Variants in PRKN observed in about 807,000 individuals in gnomAD.
PRKN encodes the protein E3 ubiquitin-protein ligase parkin.
Under a neutral mutation model 59.5 loss-of-function variants are expected in PRKN, and 56 were observed. That is an observed-to-expected ratio of 0.94 (90% CI 0.76 to 1.18). PRKN has a LOEUF of 1.18. Among genes scored for constraint, PRKN ranks in the 50% most tolerant of loss-of-function variants. The probability of loss-of-function intolerance (pLI) is 0.00; values close to 1 mark genes in which losing one functional copy is unlikely to be tolerated. For synonymous variants in PRKN, 250 were observed against 222.1 expected, an observed-to-expected ratio of 1.13 and a Z score of -1.12; for missense variants, 657 against 596.4, an observed-to-expected ratio of 1.10 and a Z score of -1.06.
chr6:161,528,895 A>AT (rs1358226057), intron 9 of PRKN, among the ~76,000 whole-genome samples: 1 of 152,206 alleles, frequency 6.6e-6, no homozygotes, highest in Non-Finnish European at 1.5e-5. Flanking sequence ...AGCCAAATAA[A>AT]TAAGGCCTTC....
chr6:162,668,823 C>T (rs758946214), intron 1 of PRKN, among the ~76,000 whole-genome samples: 1 of 152,122 alleles, frequency 6.6e-6, no homozygotes, highest in Non-Finnish European at 1.5e-5. Flanking sequence ...ACAGACCTTT[C>T]AGCTGTACTT....
In PRKN at chr6:161,457,407, T is replaced by C. The variant is rs1437844104; in HGVS notation, c.1084-70530A>G. ...TACTGAAAACATCAAATAAAAAAGC[T>C]ACTACTTTAATAGAAATTACCTCTT... On this transcript the variant is annotated intron_variant, in intron 9 of 11. Coordinates refer to ENST00000366898, the MANE Select transcript of PRKN (RefSeq NM_004562.3). This position sits in a 1 kb window ranked among gnomAD's most constrained non-coding sequence, Gnocchi z 5.0. 1.3e-5 allele frequency among the ~76,000 whole-genome samples: 2 copies of C among 152,206 alleles called. No individual in the cohort carries two copies. Among genetic ancestry groups the C allele is most frequent in the Admixed American group, 1.3e-4 (2 of 15,284 alleles).
rs922681142 is a variant in PRKN at position 161,498,022 on chromosome 6, A to C, written c.1083+50832T>G. On this transcript the variant is annotated intron_variant, in intron 9 of 11. Coordinates refer to ENST00000366898, the MANE Select transcript of PRKN (RefSeq NM_004562.3). The surrounding 1 kb of genome is among the most constrained non-coding windows in gnomAD (Gnocchi z 4.2). ...TCCATGAGGGGATATTTGTTCTTCAATAGATGGGTCTAATTTTCCACAGTG... is the reference window on the plus strand; with the variant it reads ...TCCATGAGGGGATATTTGTTCTTCACTAGATGGGTCTAATTTTCCACAGTG... 3.3e-5 allele frequency among the ~76,000 whole-genome samples: 5 copies of C among 152,182 alleles called. No homozygotes were observed. The highest frequency in any genetic ancestry group is 5.9e-5 in the Non-Finnish European group (4 of 68,036).
chr6:162,456,605 T>G (rs1358420224), intron 1 of PRKN, among the ~76,000 whole-genome samples: 2 of 152,184 alleles, frequency 1.3e-5, no homozygotes, highest in East Asian at 3.8e-4. Flanking sequence ...AGGCTATAGT[T>G]GTAGTCTGTA....
At chr6:161,837,298 G>A (rs1230355420) in intron 6 of PRKN, among the ~76,000 whole-genome samples, 1 of 152,038 alleles carries the variant, frequency 6.6e-6, no homozygotes. Context: ...ACATTGAAGA[G>A]GAAAATTTAG....
intron 6 of PRKN, among the ~76,000 whole-genome samples, chr6:161,891,670 T>C (rs1352808247): frequency 1.3e-5 from 2 of 152,168 alleles, no homozygotes; most frequent in African/African-American, 4.8e-5. Flanking sequence ...CTACAGGGGA[T>C]TTGTGAAGTG....
chr6:162,089,054 C>A (rs1003719938), intron 4 of PRKN, among the ~76,000 whole-genome samples: 1 of 152,142 alleles, frequency 6.6e-6, no homozygotes, highest in African/African-American at 2.4e-5. Flanking sequence ...ACAACATATA[C>A]ACACTGAACT....
At chr6:161,875,988 C>T (rs895125180) in intron 6 of PRKN, among the ~76,000 whole-genome samples, 50 of 152,232 alleles carry the variant, frequency 3.3e-4, no homozygotes, top group African/African-American at 1.2e-3. Context: ...GAAAGACTCT[C>T]AGAAGGCAGG....
chr6:161,526,014 G>A lies in PRKN; in HGVS notation c.1083+22840C>T, dbSNP rs186364475. Among the ~76,000 whole-genome samples, 54 of 152,250 alleles carry A rather than the reference G, an allele frequency of 3.5e-4. No homozygotes were observed. The highest frequency in any genetic ancestry group is 1.3e-3 in the African/African-American group (52 of 41,534). On this transcript the variant is annotated intron_variant, in intron 9 of 11. Coordinates refer to ENST00000366898, the MANE Select transcript of PRKN (RefSeq NM_004562.3). The surrounding 1 kb of genome is among the most constrained non-coding windows in gnomAD (Gnocchi z 4.1). ...TAAGTTGCCTGTAACCCAAATCTGT[G>A]TATATAAGCAATTTAGTATTGTGTA...
chr6:162,054,837 AT>A lies in PRKN; in HGVS notation c.535-664del, dbSNP rs1310316225. On this transcript the variant is annotated intron_variant, in intron 4 of 11. Transcript: ENST00000366898. The stretch of plus-strand genomic sequence containing the variant: ...CAAACCAGTAAAAAGCATCACAAGC[AT>A]TCAACTGGTTCATAACTTTTTGACT... Among the ~76,000 whole-genome samples the A allele has an allele frequency of 2.6e-5, 4 of 152,358 alleles. No individual in the cohort carries two copies. In the East Asian group the frequency reaches 7.7e-4, roughly 29 times the overall value.
intron 4 of PRKN, among the ~76,000 whole-genome samples, chr6:162,090,157 T>TG (rs1304433836): frequency 5.8e-5 from 8 of 138,752 alleles, no homozygotes; most frequent in African/African-American, 9.9e-5. Flanking sequence ...TGTGTGTGTG[T>TG]CTGTGTACAG....
At chr6:161,919,349 G>C (rs1778693718) in intron 6 of PRKN, among the ~76,000 whole-genome samples, 1 of 152,234 alleles carries the variant, frequency 6.6e-6, no homozygotes, top group Non-Finnish European at 1.5e-5. Context: ...GCCTAGGGCT[G>C]AAGGTGGGAG....
Position 161,471,677 on chromosome 6 carries a change from G to A in PRKN, c.1083+77177C>T, listed in dbSNP as rs1461589475. Among the ~76,000 whole-genome samples the A allele has an allele frequency of 6.6e-6, 1 of 152,076 alleles. No homozygotes were observed. Among genetic ancestry groups the A allele is most frequent in the Non-Finnish European group, 1.5e-5 (1 of 68,012 alleles). On this transcript the variant is annotated intron_variant, in intron 9 of 11. Transcript: ENST00000366898. The surrounding 1 kb of genome is among the most constrained non-coding windows in gnomAD (Gnocchi z 4.5). ...TCCCCCCACCGTCTGACATCACTGG[G>A]TAATCTAACAAGATTACAGAACCGA... is the stretch of plus-strand genomic sequence containing the variant.
At chr6:161,754,612 C>T (rs553223559) in intron 7 of PRKN, among the ~76,000 whole-genome samples, 1 of 152,236 alleles carries the variant, frequency 6.6e-6, no homozygotes, top group Non-Finnish European at 1.5e-5. Context: ...GCTGAGCCCT[C>T]CCATGGTCAG....
chr6:162,341,918 T>A (rs1261505531), intron 2 of PRKN, among the ~76,000 whole-genome samples: 4 of 151,008 alleles, frequency 2.6e-5, no homozygotes, highest in Non-Finnish European at 5.9e-5. Flanking sequence ...AAAAAAAAAC[T>A]CCTGGTGTCA....
At chr6:162,319,597 C>A (rs1199101288) in intron 2 of PRKN, among the ~76,000 whole-genome samples, 2 of 151,954 alleles carry the variant, frequency 1.3e-5, no homozygotes, top group African/African-American at 2.4e-5. Context: ...GCGTAACATT[C>A]ATTATCTCAT....
At chr6:161,628,868 T>A (rs1399797640) in intron 7 of PRKN, among the ~76,000 whole-genome samples, 1 of 152,220 alleles carries the variant, frequency 6.6e-6, no homozygotes, top group African/African-American at 2.4e-5. Context: ...GTACCATGCA[T>A]GCAGATAACC....
At chr6:161,975,735 C>T (rs1286478355) in intron 5 of PRKN, among the ~76,000 whole-genome samples, 1 of 152,190 alleles carries the variant, frequency 6.6e-6, no homozygotes, top group Non-Finnish European at 1.5e-5. Flanking sequence ...GTTGTTCCTA[C>T]CGCTCAGGGG....
At position 162,078,071 on chromosome 6, in the gene PRKN, A is replaced by G. The variant is rs138940264; in HGVS notation, c.535-23897T>C. 8.0e-3 allele frequency among the ~76,000 whole-genome samples: 1,218 copies of G among 151,912 alleles called. 32 individuals are homozygous for G. The highest frequency in any genetic ancestry group is 0.028 in the African/African-American group (1,154 of 41,356). The stretch of plus-strand genomic sequence containing the variant: ...GCATACACCTACATTTCAACTGATT[A>G]TAGCATATGGGATAAGTTGAAATTT... On this transcript the variant is annotated intron_variant, in intron 4 of 11. Coordinates refer to ENST00000366898, the MANE Select transcript of PRKN (RefSeq NM_004562.3).
Sources: gnomAD v4.1 joint callset for allele counts (sites outside exome capture counted in the v4.1 genomes callset) on GRCh38, gnomAD v4.1.1 for gene constraint, Gnocchi (gnomAD v3.1) non-coding constraint, MANE v1.5 for transcripts, NCBI Gene and HGNC (gene_info 2026-07-23, HGNC 2026-07-21) for gene names.